Variants in HSD17B2 observed in about 807,000 individuals in gnomAD.
The protein encoded by HSD17B2 is 17-beta-hydroxysteroid dehydrogenase type 2.
HSD17B2 carries 32 observed loss-of-function variants against 26.9 expected under a neutral mutation model. The ratio of observed to expected loss-of-function variants is 1.19; its 90% confidence interval spans 0.90 to 1.60. The LOEUF (loss-of-function observed/expected upper bound fraction) is 1.60, where lower values mean the gene tolerates loss of function less well. Ranked by LOEUF, HSD17B2 falls within the 40% of genes most tolerant of loss-of-function variation. HSD17B2 has a pLI of 0.00. For missense variants in HSD17B2, 613 were observed against 468.6 expected (o/e 1.31, Z -2.85); for synonymous variants, 246 against 186.7 (o/e 1.32, Z -2.59).
chr16:82,049,384 CG>C (rs1465440191), intron 1 of HSD17B2, among the ~76,000 whole-genome samples: 2 of 152,178 alleles, frequency 1.3e-5, no homozygotes. Context: ...TCCTAGATGA[CG>C]GGTCATGTCA....
chr16:82,076,251 G>A (rs920687075), intron 3 of HSD17B2, among the ~76,000 whole-genome samples: 2 of 151,996 alleles, frequency 1.3e-5, no homozygotes, highest in Non-Finnish European at 2.9e-5. Flanking sequence ...CGTAACAAAA[G>A]CCATATACAA....
chr16:82,042,128 C>A (rs572720426), intron 1 of HSD17B2, among the ~76,000 whole-genome samples: 8 of 151,924 alleles, frequency 5.3e-5, no homozygotes, highest in Non-Finnish European at 1.0e-4. Flanking sequence ...CTCAGCCTCC[C>A]GAGTAGCTGG....
intron 1 of HSD17B2, among the ~76,000 whole-genome samples, chr16:82,050,157 G>C (rs994338128): frequency 1.3e-5 from 2 of 152,192 alleles, no homozygotes; most frequent in Non-Finnish European, 2.9e-5. Context: ...TATGTACTCA[G>C]TTCCACTGGA....
At chr16:82,063,549 A>C (rs1914500691) in intron 1 of HSD17B2, among the ~76,000 whole-genome samples, 2 of 151,144 alleles carry the variant, frequency 1.3e-5, no homozygotes, top group Admixed American at 1.3e-4. Context: ...ACTGCCAAAC[A>C]AAAAAAAACC....
At chr16:82,043,285 G>C (rs1243552085) in intron 1 of HSD17B2, among the ~76,000 whole-genome samples, 2 of 152,192 alleles carry the variant, frequency 1.3e-5, no homozygotes, top group African/African-American at 4.8e-5. Flanking sequence ...CCACATGCAA[G>C]GGGTCTCCCC....
At chr16:82,070,443 CAG>C (rs547510842) in intron 2 of HSD17B2, among the ~76,000 whole-genome samples, 31 of 152,340 alleles carry the variant, frequency 2.0e-4, no homozygotes, top group Admixed American at 1.1e-3. Context: ...CATTACTTTC[CAG>C]AGACTCATCT....
chr16:82,058,782 A>G (rs1914350218), intron 1 of HSD17B2, among the ~76,000 whole-genome samples: 1 of 152,228 alleles, frequency 6.6e-6, no homozygotes, highest in Non-Finnish European at 1.5e-5. Flanking sequence ...CTATTAAAAA[A>G]TGAAGGTCAT....
intron 4 of HSD17B2, 177 bp downstream of exon 4, chr16:82,091,216 G>C (rs1432048667): frequency 7.0e-6 from 5 of 717,092 alleles, no homozygotes; most frequent in Non-Finnish European, 1.3e-5. Flanking sequence ...GTAGGGGAAA[G>C]AGCTAAGCTC....
At chr16:82,076,700 G>T (rs904680820) in intron 3 of HSD17B2, among the ~76,000 whole-genome samples, 1 of 152,116 alleles carries the variant, frequency 6.6e-6, no homozygotes, top group Admixed American at 6.6e-5. Context: ...TCAGCATCCC[G>T]AGTAGCTGGG....
At position 82,035,536 on chromosome 16, in the gene HSD17B2, ATGGTC is replaced by A. The variant is rs761508516; in HGVS notation, c.115_119del (p.Val39ProfsTer51). The stretch of plus-strand genomic sequence containing the variant: ...GAGCTCAGGGCAGCTGTGGAGCTGG[ATGGTC>A]TGCCTGGCAGGCCTCTGTGCAGTCT... On this transcript the variant is annotated frameshift_variant, in exon 1 of 5. Transcript: ENST00000199936. LOFTEE classifies it high-confidence loss of function. 4 of 1,613,878 alleles carry A rather than the reference ATGGTC, an allele frequency of 2.5e-6. No homozygotes were observed. In the East Asian group the frequency reaches 6.7e-5, roughly 27 times the overall value.
intron 1 of HSD17B2, among the ~76,000 whole-genome samples, chr16:82,059,327 C>T (rs1294635891): frequency 6.6e-6 from 1 of 152,166 alleles, no homozygotes; most frequent in Non-Finnish European, 1.5e-5. Flanking sequence ...GTTGTGACAA[C>T]CAAAAATGTT....
chr16:82,090,468 G>A (rs763557152), intron 3 of HSD17B2, among the ~76,000 whole-genome samples: 14 of 151,916 alleles, frequency 9.2e-5, no homozygotes, highest in South Asian at 2.1e-4. Context: ...ACAGGCATGC[G>A]CCACCACGCC....
intron 1 of HSD17B2, among the ~76,000 whole-genome samples, chr16:82,038,464 C>G (rs1300764237): frequency 2.6e-5 from 4 of 152,200 alleles, no homozygotes; most frequent in Non-Finnish European, 5.9e-5. Flanking sequence ...ATTCTCCTGC[C>G]TCAGCCTCTC....
chr16:82,060,701 T>C (rs894669624), intron 1 of HSD17B2, among the ~76,000 whole-genome samples: 1 of 152,050 alleles, frequency 6.6e-6, no homozygotes, highest in African/African-American at 2.4e-5. Context: ...TGAGAAAGGG[T>C]CTTGGTGCCT....
rs143121764 is a variant in HSD17B2 at position 82,060,721 on chromosome 16, C to T, written c.266-7449C>T. ...AAGGGTCTTGGTGCCTCTGAAGATACCAACCCCGTAAGCACCTCCACCTTA... is the reference window on the plus strand; with the variant it reads ...AAGGGTCTTGGTGCCTCTGAAGATATCAACCCCGTAAGCACCTCCACCTTA... On this transcript the variant is annotated intron_variant, in intron 1 of 4. Coordinates refer to ENST00000199936, the MANE Select transcript of HSD17B2 (RefSeq NM_002153.3). Among the ~76,000 whole-genome samples the T allele has an allele frequency of 1.6e-4, 24 of 152,238 alleles. No individual in the cohort carries two copies. In the East Asian group the frequency reaches 3.9e-3, roughly 24 times the overall value.
At chr16:82,079,432 C>G (rs1028168904) in intron 3 of HSD17B2, among the ~76,000 whole-genome samples, 2 of 152,208 alleles carry the variant, frequency 1.3e-5, no homozygotes, top group African/African-American at 4.8e-5. Context: ...GTCTGTTGCA[C>G]CCCTGGTGTC....
intron 1 of HSD17B2, among the ~76,000 whole-genome samples, chr16:82,057,448 C>T (rs893741925): frequency 6.6e-6 from 1 of 152,218 alleles, no homozygotes. Context: ...CCACCCGCTT[C>T]GGCCTCCCAA....
chr16:82,071,683 T>C (rs757298187), intron 3 of HSD17B2: 2 of 184,080 alleles, frequency 1.1e-5, no homozygotes, highest in Admixed American at 5.4e-5. Flanking sequence ...AGTACACAAC[T>C]TGAGTCAAGG....
At chr16:82,094,738 C>G (rs1364285) in intron 4 of HSD17B2, 91,980 of 151,998 alleles carry the variant, frequency 0.61, 28,019 homozygotes, top group Middle Eastern at 0.71. Context: ...AAGAGACATT[C>G]CAGATTTTTC....
Sources: allele counts gnomAD v4.1 joint callset (sites outside exome capture counted in the v4.1 genomes callset), GRCh38; gene constraint gnomAD v4.1.1; transcripts MANE v1.5; gene names NCBI Gene and HGNC (gene_info 2026-07-23, HGNC 2026-07-21).